Variants in TMEM44 observed in about 807,000 individuals in gnomAD.
The protein encoded by TMEM44 is transmembrane protein 44.
In TMEM44, 43 loss-of-function variants were observed where a neutral mutation model predicts 47.8. The ratio of observed to expected loss-of-function variants is 0.90; its 90% confidence interval spans 0.70 to 1.16. The LOEUF (loss-of-function observed/expected upper bound fraction) is 1.16. Among genes scored for constraint, TMEM44 ranks in the 50% most tolerant of loss-of-function variants. The probability of loss-of-function intolerance (pLI) is 0.00; values close to 1 mark genes in which losing one functional copy is unlikely to be tolerated. For synonymous variants in TMEM44, 277 were observed against 238.8 expected (o/e 1.16, Z -1.48); for missense variants, 568 against 555.2 (o/e 1.02, Z -0.23).
At chr3:194,604,979 T>C (rs182387237) in intron 8 of TMEM44, among the ~76,000 whole-genome samples, 18 of 152,328 alleles carry the variant, frequency 1.2e-4, no homozygotes, top group Admixed American at 1.2e-3. Context: ...AGTATGTACA[T>C]TTGAAATCTG....
rs150691161 is a variant in TMEM44, at chr3:194,599,071, G to A, written c.1176+5216C>T. Among the ~76,000 whole-genome samples, 383 of 152,316 alleles carry A rather than the reference G, an allele frequency of 2.5e-3. 2 individuals are homozygous for A. The highest frequency in any genetic ancestry group is 0.021 in the South Asian group (99 of 4,826). On this transcript the variant is annotated intron_variant, in intron 9 of 9. Transcript: ENST00000347147. ...ACACCCTGGGTGGTCTGAGCCCAACGCCATGAAATATTTGAATTATGCAAT... is the reference window on the plus strand; with the variant it reads ...ACACCCTGGGTGGTCTGAGCCCAACACCATGAAATATTTGAATTATGCAAT...
At chr3:194,590,144 T>C (rs1712460636) in intron 9 of TMEM44, 1 of 152,244 alleles carries the variant, frequency 6.6e-6, no homozygotes, top group African/African-American at 2.4e-5. Context: ...AGCGAAGATC[T>C]TGAAGTCTCC....
intron 5 of TMEM44, among the ~76,000 whole-genome samples, chr3:194,621,658 C>G (rs1049525147): frequency 4.6e-5 from 7 of 152,176 alleles, no homozygotes; most frequent in African/African-American, 1.7e-4. Context: ...GAACAACCCT[C>G]CAGCCCTGAA....
chr3:194,627,725 C>T (rs988874909), intron 2 of TMEM44, among the ~76,000 whole-genome samples: 1 of 152,182 alleles, frequency 6.6e-6, no homozygotes, highest in African/African-American at 2.4e-5. Flanking sequence ...GGCCTGTAAT[C>T]CTAGCACATT....
intron 5 of TMEM44, chr3:194,623,022 G>C: frequency 2.1e-6 from 1 of 484,478 alleles, no homozygotes; most frequent in South Asian, 3.2e-5. Context: ...GCCGTCCTCA[G>C]GACGCCCTGG....
intron 1 of TMEM44, among the ~76,000 whole-genome samples, chr3:194,630,064 A>G (rs1577234299): frequency 9.8e-6 from 1 of 102,082 alleles, no homozygotes; most frequent in Admixed American, 1.1e-4. Context: ...CCCTGAAATA[A>G]TACGCTGTCG....
chr3:194,619,599 C>T (rs1486154560), intron 5 of TMEM44, among the ~76,000 whole-genome samples: 1 of 152,236 alleles, frequency 6.6e-6, no homozygotes, highest in Admixed American at 6.5e-5. Context: ...AACTTTCCCA[C>T]CAAAGCCACC....
At chr3:194,631,137 G>A (rs961965666) in intron 1 of TMEM44, among the ~76,000 whole-genome samples, 9 of 150,274 alleles carry the variant, frequency 6.0e-5, no homozygotes, top group Non-Finnish European at 1.3e-4. Context: ...TCTGAAATAC[G>A]TTGTCATACC....
chr3:194,624,164 A>T (rs921692029), intron 3 of TMEM44, among the ~76,000 whole-genome samples: 5 of 152,154 alleles, frequency 3.3e-5, no homozygotes, highest in African/African-American at 1.2e-4. Flanking sequence ...TTGTCCCTGA[A>T]CTGTAAGATA....
rs113187162 is a variant in TMEM44, at chr3:194,628,309, G to A, written c.264+74C>T. 5.2e-4 allele frequency: 803 copies of A among 1,533,788 alleles called. 5 individuals carry two copies. In the African/African-American group the frequency reaches 9.3e-3, roughly 18 times the overall value. On this transcript the variant is annotated intron_variant, in intron 2 of 9. Transcript: ENST00000347147. ...GCAGCAACAAGACAAAAGCCACCACGGCTGCAGCAGAGAGAAAGGCCAGGC... is the reference window on the plus strand; with the variant it reads ...GCAGCAACAAGACAAAAGCCACCACAGCTGCAGCAGAGAGAAAGGCCAGGC...
intron 2 of TMEM44, among the ~76,000 whole-genome samples, chr3:194,626,601 A>G (rs905464243): frequency 2.6e-5 from 4 of 152,152 alleles, no homozygotes; most frequent in Non-Finnish European, 4.4e-5. Context: ...GAACAGGAAT[A>G]ATGAGGACAC....
chr3:194,616,810 G>C (rs993485200), intron 6 of TMEM44: 1 of 465,788 alleles, frequency 2.1e-6, no homozygotes, highest in African/African-American at 2.0e-5. Context: ...CAGGAGAATT[G>C]CTTGAAATTG....
intron 7 of TMEM44, among the ~76,000 whole-genome samples, chr3:194,612,544 C>T (rs1298277577): frequency 1.3e-5 from 2 of 151,304 alleles, no homozygotes; most frequent in African/African-American, 4.9e-5. Flanking sequence ...AAGTTACTCA[C>T]AGCCTCACAC....
At chr3:194,616,520 G>C (rs1332337844) in intron 6 of TMEM44, 1 of 453,166 alleles carries the variant, frequency 2.2e-6, no homozygotes. Flanking sequence ...AGGCAGAAAT[G>C]TAAACGACAC....
At chr3:194,595,534 A>T (rs977985693) in intron 9 of TMEM44, among the ~76,000 whole-genome samples, 6 of 152,068 alleles carry the variant, frequency 3.9e-5, no homozygotes, top group African/African-American at 1.4e-4. Flanking sequence ...ACATCTCCAC[A>T]GTCTTGGGGA....
At chr3:194,600,030 G>A (rs1349981120) in intron 9 of TMEM44, among the ~76,000 whole-genome samples, 2 of 151,986 alleles carry the variant, frequency 1.3e-5, no homozygotes, top group South Asian at 2.1e-4. Context: ...AAAGTGCTGG[G>A]ATTACAGGTG....
rs959313137 is a variant in TMEM44, at chr3:194,604,371, C to CG, written c.1091dup (p.Ser365ValfsTer19). ...GGATGACCTGAACGGGAGGGTACGA[C>CG]GGGGGGTCCTGCAGGGACGCATCTC... On this transcript the variant is annotated frameshift_variant, in exon 9 of 10. Coordinates refer to ENST00000347147, the MANE Select transcript of TMEM44 (RefSeq NM_001011655.3). LOFTEE classifies it high-confidence loss of function. The CG allele has an allele frequency of 7.7e-6, 12 of 1,561,064 alleles. No homozygotes were observed. The highest frequency in any genetic ancestry group is 5.4e-5 in the African/African-American group (4 of 73,460).
In TMEM44 at chr3:194,617,275, C is replaced by T; in HGVS notation, c.613-6G>A. On this transcript the variant is annotated splice_region_variant and splice_polypyrimidine_tract_variant and intron_variant, in intron 5 of 9. Transcript: ENST00000347147. ...GGAAATGTCTTCCCCCGGCACTGGG[C>T]AGAGAGAGGGAGGGGCTGGGCGGGA... 1.4e-6 allele frequency: 2 copies of T among 1,432,942 alleles called. No homozygotes were observed. Among genetic ancestry groups the T allele is most frequent in the Non-Finnish European group, 1.9e-6 (2 of 1,060,654 alleles). The allele number at this position is 1,432,942 out of a possible 1,614,324, so 88.8% of individuals were successfully genotyped here. A position where few individuals can be genotyped will look rare whatever the true frequency, so the allele number is the denominator to read the frequency against.
chr3:194,588,549 G>A lies in TMEM44; in HGVS notation c.1267C>T (p.His423Tyr), dbSNP rs1233907637. The change falls in exon 10 of 10, where the codon CAC becomes TAC. Residue 423 changes from histidine to tyrosine, a missense_variant. His to Tyr is a moderately conservative substitution (Grantham distance 83). Coordinates refer to ENST00000347147, the MANE Select transcript of TMEM44 (RefSeq NM_001011655.3). ...QVHQDSVRTA[H>Y]LSDDD ...AGGTGTTAATCATCATCACTCAGGT[G>A]TGCTGTCCTCACAGAGTCCTGGTGC... 7 of 1,614,040 alleles carry A rather than the reference G, an allele frequency of 4.3e-6. No individual in the cohort carries two copies. Among genetic ancestry groups the A allele is most frequent in the East Asian group, 2.2e-5 (1 of 44,898 alleles).
Sources: allele counts gnomAD v4.1 joint callset (sites outside exome capture counted in the v4.1 genomes callset), GRCh38; gene constraint gnomAD v4.1.1; transcripts MANE v1.5; gene names NCBI Gene and HGNC (gene_info 2026-07-23, HGNC 2026-07-21).